The following RNF220 variants were observed in gnomAD, a reference collection of about 807,000 sequenced individuals.
The protein encoded by RNF220 is E3 ubiquitin-protein ligase RNF220.
Under a neutral mutation model 67.1 loss-of-function variants are expected in RNF220, and 7 were observed. The observed-to-expected ratio is 0.10, with a 90% CI of 0.06 to 0.20. The LOEUF is 0.20. RNF220 is among the 10% of genes least tolerant of loss of function. RNF220 has a pLI of 1.00. For missense variants in RNF220, 565 were observed against 740.3 expected, an observed-to-expected ratio of 0.76 and a Z score of 2.75; for synonymous variants, 270 against 283.2, an observed-to-expected ratio of 0.95 and a Z score of 0.47.
chr1:44,584,240 A>G (rs1048400775), intron 2 of RNF220, among the ~76,000 whole-genome samples: 4 of 152,114 alleles, frequency 2.6e-5, no homozygotes, highest in Non-Finnish European at 5.9e-5. Context: ...TCAATTCAGA[A>G]CCCAGACAAT....
intron 2 of RNF220, among the ~76,000 whole-genome samples, chr1:44,441,993 G>A (rs1319036057): frequency 2.6e-5 from 4 of 152,166 alleles, no homozygotes; most frequent in African/African-American, 9.7e-5. Context: ...TATTAGGTCA[G>A]GAAACCCTTA....
At position 44,611,560 on chromosome 1, in the gene RNF220, T is replaced by C. The variant is rs772553996; in HGVS notation, c.626-2605T>C. Among the ~76,000 whole-genome samples the C allele has an allele frequency of 7.7e-4, 117 of 152,164 alleles. 1 individual carries two copies. Among genetic ancestry groups the C allele is most frequent in the Admixed American group, 5.2e-4 (8 of 15,274 alleles). On this transcript the variant is annotated intron_variant, in intron 2 of 14. Coordinates refer to ENST00000361799, the MANE Select transcript of RNF220 (RefSeq NM_018150.4). The stretch of plus-strand genomic sequence containing the variant: ...CCCCAGTCCCTGCCTCAATTATCTG[T>C]TCCAGCAACCTGTCAACTCCCTTAC...
chr1:44,474,460 A>G lies in RNF220; in HGVS notation c.625+61738A>G, dbSNP rs866365185. On this transcript the variant is annotated intron_variant, in intron 2 of 14. Coordinates refer to ENST00000361799, the MANE Select transcript of RNF220 (RefSeq NM_018150.4). ...GGTATGGCTCACACCTGTAATCCCA[A>G]CACTTTGGGAGGCCAAGGAGGGAGA... Among the ~76,000 whole-genome samples, 6 of 150,906 alleles carry G rather than the reference A, an allele frequency of 4.0e-5. No individual in the cohort carries two copies. In the South Asian group the frequency reaches 1.3e-3, roughly 31 times the overall value.
intron 2 of RNF220, among the ~76,000 whole-genome samples, chr1:44,479,717 T>TA (rs2148016618): frequency 6.6e-6 from 1 of 152,318 alleles, no homozygotes; most frequent in Non-Finnish European, 1.5e-5. Context: ...GAAAATCTCT[T>TA]ACTAGAGAGA....
chr1:44,614,067 G>C, intron 2 of RNF220, 98 bp from the exon 3 acceptor site: 1 of 1,529,316 alleles, frequency 6.5e-7, no homozygotes, highest in Non-Finnish European at 8.9e-7. Flanking sequence ...AGAAGCCCTA[G>C]AGGGCAGCAG....
At chr1:44,505,495 G>A (rs1007246480) in intron 2 of RNF220, among the ~76,000 whole-genome samples, 1 of 152,220 alleles carries the variant, frequency 6.6e-6, no homozygotes, top group African/African-American at 2.4e-5. Context: ...TAACCCCTGC[G>A]GCTGGCCCGC....
intron 2 of RNF220, among the ~76,000 whole-genome samples, chr1:44,502,989 T>C (rs1658063495): frequency 6.6e-6 from 1 of 151,990 alleles, no homozygotes; most frequent in Admixed American, 6.6e-5. Flanking sequence ...CCAGGCTGCA[T>C]TTTTTAAGAT....
At chr1:44,509,419 G>A (rs1224512446) in intron 2 of RNF220, among the ~76,000 whole-genome samples, 2 of 151,992 alleles carry the variant, frequency 1.3e-5, no homozygotes, top group South Asian at 2.1e-4. Context: ...GCGTGGTGGT[G>A]GGCGCCTGTA....
chr1:44,578,352 G>A (rs961218647), intron 2 of RNF220, among the ~76,000 whole-genome samples: 1 of 151,916 alleles, frequency 6.6e-6, no homozygotes, highest in Non-Finnish European at 1.5e-5. Flanking sequence ...GTTTCACCAT[G>A]TTGGCCAGGC....
intron 2 of RNF220, among the ~76,000 whole-genome samples, chr1:44,568,409 C>T (rs1664187888): frequency 1.3e-5 from 2 of 152,220 alleles, no homozygotes; most frequent in African/African-American, 2.4e-5. Flanking sequence ...TGACCTTGAG[C>T]ACCCTGAATT....
rs1481584128 is a variant in RNF220 at position 44,565,206 on chromosome 1, T to C, written c.626-48959T>C. 2.0e-5 allele frequency among the ~76,000 whole-genome samples: 3 copies of C among 152,112 alleles called. No homozygotes were observed. Among genetic ancestry groups the C allele is most frequent in the African/African-American group, 7.2e-5 (3 of 41,416 alleles). ...GATGTTGGTTCTGTGCCTAGGAATA[T>C]GTTGGTGAATTATAGCAGTTCACCA... On this transcript the variant is annotated intron_variant, in intron 2 of 14. Coordinates refer to ENST00000361799, the MANE Select transcript of RNF220 (RefSeq NM_018150.4). This position sits in a 1 kb window ranked among gnomAD's most constrained non-coding sequence, Gnocchi z 4.2.
intron 2 of RNF220, among the ~76,000 whole-genome samples, chr1:44,505,388 C>T (rs1305517204): frequency 4.6e-5 from 7 of 152,336 alleles, no homozygotes; most frequent in South Asian, 2.1e-4. Flanking sequence ...CTGGCCTCTC[C>T]GCCTCCTTGG....
intron 2 of RNF220, among the ~76,000 whole-genome samples, chr1:44,466,156 A>G (rs189928345): frequency 1.1e-4 from 16 of 152,324 alleles, no homozygotes; most frequent in African/African-American, 2.9e-4. Context: ...CATTTCAGCA[A>G]TGTTCACAAC....
chr1:44,634,248 AGTCAGTTC>A (rs1418638438), intron 6 of RNF220, among the ~76,000 whole-genome samples: 1 of 152,210 alleles, frequency 6.6e-6, no homozygotes, highest in African/African-American at 2.4e-5. Context: ...TAGGTTGTGA[AGTCAGTTC>A]TGGTTTCCTA....
At position 44,618,264 on chromosome 1, in the gene RNF220, C is replaced by T. The variant is rs527915717; in HGVS notation, c.758+3967C>T. ...GGGCTGGCTGTGTTTCAGACACAGA[C>T]GCAAACATATACAGGACATGCAGGT... is the stretch of plus-strand genomic sequence containing the variant. On this transcript the variant is annotated intron_variant, in intron 3 of 14. Transcript: ENST00000361799. Among the ~76,000 whole-genome samples the T allele has an allele frequency of 1.4e-4, 21 of 152,258 alleles. No homozygotes were observed. The South Asian group carries it at 3.1e-3, about 23-fold the overall frequency.
At chr1:44,633,048 G>T (rs1644214477) in intron 6 of RNF220, among the ~76,000 whole-genome samples, 2 of 152,286 alleles carry the variant, frequency 1.3e-5, no homozygotes, top group South Asian at 4.2e-4. Context: ...TGCTTACTGG[G>T]GTGTGGTATC....
chr1:44,423,039 C>T (rs1322543327), intron 2 of RNF220, among the ~76,000 whole-genome samples: 4 of 152,266 alleles, frequency 2.6e-5, no homozygotes, highest in Non-Finnish European at 5.9e-5. Flanking sequence ...GATTATAGCC[C>T]CTGCCTTACT....
chr1:44,493,944 T>G lies in RNF220; in HGVS notation c.625+81222T>G, dbSNP rs535905980. 7.2e-5 allele frequency among the ~76,000 whole-genome samples: 11 copies of G among 152,276 alleles called. No individual in the cohort carries two copies. In the East Asian group the frequency reaches 2.1e-3, roughly 29 times the overall value. ...AAAATGGCCCAGGCACGGTAGTTCA[T>G]GCCTGTAATCCCAGCATTTTAGGAG... is the stretch of plus-strand genomic sequence containing the variant. On this transcript the variant is annotated intron_variant, in intron 2 of 14. Coordinates refer to ENST00000361799, the MANE Select transcript of RNF220 (RefSeq NM_018150.4).
At chr1:44,547,564 T>C (rs534407569) in intron 2 of RNF220, among the ~76,000 whole-genome samples, 1 of 152,142 alleles carries the variant, frequency 6.6e-6, no homozygotes, top group South Asian at 2.1e-4. Context: ...AAAGTAGGTG[T>C]TTCCCAGTGT....
Sources: gnomAD v4.1 joint callset for allele counts (sites outside exome capture counted in the v4.1 genomes callset) on GRCh38, gnomAD v4.1.1 for gene constraint, Gnocchi (gnomAD v3.1) non-coding constraint, MANE v1.5 for transcripts, NCBI Gene and HGNC (gene_info 2026-07-23, HGNC 2026-07-21) for gene names.